LRRTM4: variants seen among roughly 807,000 people sequenced by gnomAD.
LRRTM4 encodes leucine-rich repeat transmembrane neuronal protein 4.
A neutral mutation model predicts 47.6 loss-of-function variants in LRRTM4; 25 were observed. The observed-to-expected ratio is 0.53, with a 90% CI of 0.38 to 0.73. The LOEUF (loss-of-function observed/expected upper bound fraction) is 0.73. Ranked by LOEUF, LRRTM4 falls within the 30% of genes least tolerant of loss-of-function variation. LRRTM4 has a pLI of 0.00. For missense variants in LRRTM4, 638 were observed against 713.4 expected, an observed-to-expected ratio of 0.89 and a Z score of 1.20; for synonymous variants, 311 against 269.5, an observed-to-expected ratio of 1.15 and a Z score of -1.51.
intron 3 of LRRTM4, among the ~76,000 whole-genome samples, chr2:77,340,077 A>C (rs1425452275): frequency 6.6e-6 from 1 of 152,010 alleles, no homozygotes; most frequent in Admixed American, 6.6e-5. Flanking sequence ...ATTTTTAAAA[A>C]ATGATAACAT....
intron 3 of LRRTM4, among the ~76,000 whole-genome samples, chr2:77,516,178 A>T (rs577823290): frequency 2.0e-5 from 3 of 151,888 alleles, no homozygotes; most frequent in South Asian, 4.1e-4. Context: ...TACATTCTTC[A>T]TTACTTAATG....
chr2:77,079,832 C>CT (rs1229681518), intron 3 of LRRTM4, among the ~76,000 whole-genome samples: 3 of 151,530 alleles, frequency 2.0e-5, no homozygotes, highest in South Asian at 2.1e-4. Context: ...TATTCTTTTA[C>CT]TTTTTTTTAG....
chr2:77,194,865 G>C (rs985831835), intron 3 of LRRTM4, among the ~76,000 whole-genome samples: 5 of 151,230 alleles, frequency 3.3e-5, no homozygotes, highest in Admixed American at 1.3e-4. Context: ...TTCACTTACA[G>C]CTAAAGGTAC....
At chr2:77,060,797 GT>G (rs1244520259) in intron 3 of LRRTM4, among the ~76,000 whole-genome samples, 1 of 151,956 alleles carries the variant, frequency 6.6e-6, no homozygotes, top group Admixed American at 6.6e-5. Context: ...GGAAAATATG[GT>G]TTTTCTTAAT....
intron 3 of LRRTM4, among the ~76,000 whole-genome samples, chr2:77,229,997 C>T (rs1467273090): frequency 6.6e-6 from 1 of 152,098 alleles, no homozygotes; most frequent in African/African-American, 2.4e-5. Flanking sequence ...ATCTGTCTTT[C>T]TCTGAAAAAC....
chr2:76,990,734 A>AGT (rs1676975363), intron 3 of LRRTM4, among the ~76,000 whole-genome samples: 2 of 151,656 alleles, frequency 1.3e-5, no homozygotes, highest in African/African-American at 4.8e-5. Context: ...GTGCATAGGC[A>AGT]GATCATTGAG....
chr2:77,189,407 C>T (rs1470375004), intron 3 of LRRTM4, among the ~76,000 whole-genome samples: 2 of 152,122 alleles, frequency 1.3e-5, no homozygotes, highest in African/African-American at 4.8e-5. Context: ...TTGTGTCCCT[C>T]TAAACTTCCT....
chr2:77,307,424 A>C (rs1677312229), intron 3 of LRRTM4, among the ~76,000 whole-genome samples: 1 of 150,438 alleles, frequency 6.6e-6, no homozygotes, highest in South Asian at 2.1e-4. Context: ...TATGATATGT[A>C]ATGTTTAGGA....
At chr2:76,877,251 T>C (rs1036063139) in intron 3 of LRRTM4, among the ~76,000 whole-genome samples, 1 of 152,128 alleles carries the variant, frequency 6.6e-6, no homozygotes, top group Non-Finnish European at 1.5e-5. Context: ...TGGTTGAAAA[T>C]GTTACTTTAT....
chr2:77,293,449 G>T (rs1045213970), intron 3 of LRRTM4, among the ~76,000 whole-genome samples: 4 of 151,998 alleles, frequency 2.6e-5, no homozygotes, highest in African/African-American at 9.7e-5. Context: ...CCCTATAACG[G>T]AAAACCAGGG....
chr2:76,762,043 A>G (rs62170448), intron 3 of LRRTM4, among the ~76,000 whole-genome samples: 28,489 of 152,106 alleles, frequency 0.19, 2,940 homozygotes, highest in African/African-American at 0.25. Flanking sequence ...CTGTTCTCAA[A>G]TCGTCCACTC....
chr2:77,118,059 A>T (rs1484713099), intron 3 of LRRTM4, among the ~76,000 whole-genome samples: 1 of 151,924 alleles, frequency 6.6e-6, no homozygotes, highest in Non-Finnish European at 1.5e-5. Flanking sequence ...ATGCTATAAC[A>T]AGAATTAAAT....
At position 77,056,525 on chromosome 2, in the gene LRRTM4, CAAT is replaced by C. The variant is rs1679614467; in HGVS notation, c.1552-307612_1552-307610del. ...AATGATTTAAATCAAGGCTTAAAAT[CAAT>C]AAAAGGATAAAGAGATGAAAGTAAT... On this transcript the variant is annotated intron_variant, in intron 3 of 3. Transcript: ENST00000409884. Among the ~76,000 whole-genome samples the C allele has an allele frequency of 2.6e-5, 4 of 151,116 alleles. No individual in the cohort carries two copies. In the South Asian group the frequency reaches 8.4e-4, roughly 32 times the overall value.
chr2:76,965,808 A>G (rs1336258584), intron 3 of LRRTM4, among the ~76,000 whole-genome samples: 4 of 151,478 alleles, frequency 2.6e-5, no homozygotes, highest in East Asian at 3.9e-4. Flanking sequence ...TACATAAGTT[A>G]TATGTGCTCA....
intron 3 of LRRTM4, among the ~76,000 whole-genome samples, chr2:77,220,987 T>C (rs1674609791): frequency 6.6e-6 from 1 of 152,182 alleles, no homozygotes; most frequent in Non-Finnish European, 1.5e-5. Context: ...GGGAAGCCCA[T>C]CAGACTAACA....
chr2:76,886,379 TTAA>T (rs1673076975), intron 3 of LRRTM4, among the ~76,000 whole-genome samples: 6 of 152,162 alleles, frequency 3.9e-5, no homozygotes, highest in African/African-American at 1.4e-4. Context: ...ATAAATTTTC[TTAA>T]ATACTCATCA....
chr2:77,351,144 T>C (rs1671754303), intron 3 of LRRTM4, among the ~76,000 whole-genome samples: 1 of 152,082 alleles, frequency 6.6e-6, no homozygotes, highest in Admixed American at 6.5e-5. Context: ...ATCATTTAGC[T>C]CCCACTTATA....
chr2:77,137,410 A>G (rs908662454), intron 3 of LRRTM4, among the ~76,000 whole-genome samples: 1 of 151,920 alleles, frequency 6.6e-6, no homozygotes, highest in East Asian at 1.9e-4. Context: ...AATCCTTTAC[A>G]GAAGAGCAAA....
chr2:77,143,033 C>G (rs1558602682), intron 3 of LRRTM4, among the ~76,000 whole-genome samples: 1 of 152,126 alleles, frequency 6.6e-6, no homozygotes, highest in South Asian at 2.1e-4. Context: ...CAAAGATGAA[C>G]ACCCCCAATA....
Sources: gnomAD v4.1 joint callset for allele counts (sites outside exome capture counted in the v4.1 genomes callset) on GRCh38, gnomAD v4.1.1 for gene constraint, MANE v1.5 for transcripts, NCBI Gene and HGNC (gene_info 2026-07-23, HGNC 2026-07-21) for gene names.